Variants in ATXN7L1 observed in about 807,000 individuals in gnomAD.
ATXN7L1 encodes the protein ataxin-7-like protein 1.
Under a neutral mutation model 70.8 loss-of-function variants are expected in ATXN7L1, and 15 were observed. That is an observed-to-expected ratio of 0.21 (90% confidence interval 0.14 to 0.33). The LOEUF is 0.33. ATXN7L1 is among the 10% of genes least tolerant of loss of function. The pLI, the probability that ATXN7L1 is intolerant of heterozygous loss-of-function variation, is 1.00. For missense variants in ATXN7L1, 975 were observed against 1,097.1 expected, an observed-to-expected ratio of 0.89 and a Z score of 1.57; for synonymous variants, 440 against 445.1, an observed-to-expected ratio of 0.99 and a Z score of 0.14.
chr7:105,679,859 A>T (rs887172881), intron 3 of ATXN7L1, among the ~76,000 whole-genome samples: 1 of 151,894 alleles, frequency 6.6e-6, no homozygotes, highest in African/African-American at 2.4e-5. Flanking sequence ...TTGTGAAGGT[A>T]CTCAATACCA....
Position 105,649,917 on chromosome 7 carries a change from A to G in ATXN7L1, c.579-6796T>C, listed in dbSNP as rs533581593. Among the ~76,000 whole-genome samples the G allele has an allele frequency of 2.6e-5, 4 of 152,328 alleles. No individual in the cohort carries two copies. In the South Asian group the frequency reaches 6.2e-4, roughly 24 times the overall value. ...TATGTGCTTATGCTGCTGGCCTGGC[A>G]GAATTTTGAGAATCTCTGACTCACT... On this transcript the variant is annotated intron_variant, in intron 4 of 11. Transcript: ENST00000419735.
chr7:105,838,521 A>G (rs139624359), intron 2 of ATXN7L1, among the ~76,000 whole-genome samples: 222 of 152,328 alleles, frequency 1.5e-3, no homozygotes, highest in Non-Finnish European at 2.7e-3. Context: ...GCCTTTTGAT[A>G]TAAGAGGAGT....
At chr7:105,636,432 G>C (rs1193007709) in intron 7 of ATXN7L1, among the ~76,000 whole-genome samples, 2 of 145,084 alleles carry the variant, frequency 1.4e-5, no homozygotes, top group East Asian at 4.1e-4. Flanking sequence ...ACCAACCTGT[G>C]TAATGTGTTC....
intron 3 of ATXN7L1, among the ~76,000 whole-genome samples, chr7:105,715,004 A>G (rs980132214): frequency 1.3e-5 from 2 of 152,066 alleles, no homozygotes; most frequent in Non-Finnish European, 2.9e-5. Context: ...AGACCTCCTG[A>G]CTGGGTTTCT....
intron 2 of ATXN7L1, among the ~76,000 whole-genome samples, chr7:105,791,171 G>A (rs1429191477): frequency 6.6e-6 from 1 of 152,224 alleles, no homozygotes; most frequent in Admixed American, 6.5e-5. Flanking sequence ...CCTGCCTGGA[G>A]GCAGGTGACT....
At position 105,652,874 on chromosome 7, in the gene ATXN7L1, C is replaced by T. The variant is rs1382386627; in HGVS notation, c.579-9753G>A. On this transcript the variant is annotated intron_variant, in intron 4 of 11. Transcript: ENST00000419735. ...CCCTGACACCTGCTGCTCCCAGTTT[C>T]CTGCCAGAGGAAAAGCCCTCAGGAG... Among the ~76,000 whole-genome samples the T allele has an allele frequency of 2.6e-5, 4 of 152,356 alleles. No individual in the cohort carries two copies. In the East Asian group the frequency reaches 7.7e-4, roughly 29 times the overall value.
At chr7:105,608,395 G>A (rs1327129179) in intron 11 of ATXN7L1, among the ~76,000 whole-genome samples, 1 of 152,166 alleles carries the variant, frequency 6.6e-6, no homozygotes, top group East Asian at 1.9e-4. Context: ...TTGTGAAAAG[G>A]TTTAAATGTG....
chr7:105,646,928 A>T (rs1220970087), intron 4 of ATXN7L1, among the ~76,000 whole-genome samples: 3 of 151,944 alleles, frequency 2.0e-5, no homozygotes, highest in African/African-American at 7.3e-5. Flanking sequence ...TGGGTGACAC[A>T]GTGAGACCCT....
intron 3 of ATXN7L1, among the ~76,000 whole-genome samples, chr7:105,673,828 C>T (rs957373947): frequency 6.6e-6 from 1 of 152,234 alleles, no homozygotes; most frequent in Non-Finnish European, 1.5e-5. Context: ...GGAGCTTGGG[C>T]TAGAACCTGG....
chr7:105,749,065 C>T (rs978930164), intron 3 of ATXN7L1, among the ~76,000 whole-genome samples: 1 of 152,050 alleles, frequency 6.6e-6, no homozygotes, highest in Non-Finnish European at 1.5e-5. Flanking sequence ...TTTGGAATGC[C>T]CCACCTTACT....
intron 3 of ATXN7L1, chr7:105,761,092 G>C: frequency 1.0e-6 from 1 of 994,874 alleles, no homozygotes. Flanking sequence ...AGCAGGAACA[G>C]CTGGAAGGCT....
chr7:105,778,403 C>T (rs113975726), intron 3 of ATXN7L1, among the ~76,000 whole-genome samples: 7,291 of 146,408 alleles, frequency 0.05, 260 homozygotes, highest in African/African-American at 0.093. Context: ...CCCAGCTACT[C>T]GGGAGGCTAA....
At chr7:105,785,632 C>T (rs112029588) in intron 3 of ATXN7L1, among the ~76,000 whole-genome samples, 13 of 152,122 alleles carry the variant, frequency 8.5e-5, no homozygotes, top group African/African-American at 3.1e-4. Context: ...TGAATGTTTG[C>T]GTCCCTCGCA....
At chr7:105,727,773 T>TACAC (rs1554442555) in intron 3 of ATXN7L1, among the ~76,000 whole-genome samples, 5 of 124,244 alleles carry the variant, frequency 4.0e-5, no homozygotes, top group African/African-American at 1.6e-4. Context: ...TATATATATA[T>TACAC]ATATACACAC....
chr7:105,737,696 G>A (rs755910397), intron 3 of ATXN7L1, among the ~76,000 whole-genome samples: 1 of 152,122 alleles, frequency 6.6e-6, no homozygotes, highest in Non-Finnish European at 1.5e-5. Context: ...GGAGGTGGGG[G>A]TGATGTCATA....
intron 3 of ATXN7L1, among the ~76,000 whole-genome samples, chr7:105,749,841 G>A (rs954483177): frequency 6.6e-6 from 1 of 151,784 alleles, no homozygotes; most frequent in African/African-American, 2.4e-5. Flanking sequence ...CAACACAATT[G>A]TCTGTTGTCA....
At position 105,633,579 on chromosome 7, in the gene ATXN7L1, C is replaced by G. The variant is rs370429554; in HGVS notation, c.1202+4774G>C. On this transcript the variant is annotated intron_variant, in intron 7 of 11. Transcript: ENST00000419735. Reference sequence around the variant, plus strand: ...ACTAAAAATACAAAAATTAGCCAGCCTATGGTGGTGGGCGCTTGTAATCCC... The same window carrying G: ...ACTAAAAATACAAAAATTAGCCAGCGTATGGTGGTGGGCGCTTGTAATCCC... 9.6e-4 allele frequency among the ~76,000 whole-genome samples: 146 copies of G among 152,024 alleles called. 2 individuals carry two copies. Among genetic ancestry groups the G allele is most frequent in the African/African-American group, 3.2e-3 (134 of 41,464 alleles).
At chr7:105,612,437 C>CTCCCAGGCCCCT (rs1361372539) in intron 10 of ATXN7L1, among the ~76,000 whole-genome samples, 2 of 152,228 alleles carry the variant, frequency 1.3e-5, no homozygotes, top group Admixed American at 1.3e-4. Context: ...GAAATGCAGA[C>CTCCCAGGCCCCT]TCCCAGGCCC....
At chr7:105,701,127 T>A (rs1221472640) in intron 3 of ATXN7L1, among the ~76,000 whole-genome samples, 1 of 151,436 alleles carries the variant, frequency 6.6e-6, no homozygotes, top group Admixed American at 6.6e-5. Context: ...TTATATTGGT[T>A]TCTAAAAATT....
Sources: gnomAD v4.1 joint callset for allele counts (sites outside exome capture counted in the v4.1 genomes callset) on GRCh38, gnomAD v4.1.1 for gene constraint, MANE v1.5 for transcripts, NCBI Gene and HGNC (gene_info 2026-07-23, HGNC 2026-07-21) for gene names.